The following SGO1 variants were observed in gnomAD, a reference collection of about 807,000 sequenced individuals.
SGO1 encodes the protein shugoshin 1, also known as serologically defined breast cancer antigen NY-BR-85.
SGO1 carries 39 observed loss-of-function variants against 50.5 expected under a neutral mutation model. That is an observed-to-expected ratio of 0.77 (90% CI 0.60 to 1.01). The LOEUF is 1.01. SGO1 is among the 50% of genes least tolerant of loss of function. The pLI is 0.00. For missense variants in SGO1, 638 were observed against 606.0 expected (o/e 1.05, Z -0.55); for synonymous variants, 191 against 205.1 (o/e 0.93, Z 0.59).
chr3:20,165,911 G>A (rs1433082022), downstream of SGO1, among the ~76,000 whole-genome samples: 7 of 152,098 alleles, frequency 4.6e-5, no homozygotes, highest in Non-Finnish European at 1.0e-4. Context: ...AAATAGCTGG[G>A]CATGGTGGGC....
chr3:20,172,731 C>G (rs766964155), intron 6 of SGO1, among the ~76,000 whole-genome samples: 1 of 146,404 alleles, frequency 6.8e-6, no homozygotes, highest in African/African-American at 2.6e-5. Flanking sequence ...AGGAGGACTG[C>G]TTTAGCCCAG....
chr3:20,167,032 T>C (rs2125240246), downstream of SGO1, among the ~76,000 whole-genome samples: 1 of 151,590 alleles, frequency 6.6e-6, no homozygotes. Context: ...AAAGATCAAA[T>C]GATAAATTCT....
Position 20,183,873 on chromosome 3 carries a change from A to G in SGO1, c.142+13T>C. 6.2e-7 allele frequency: 1 copy of G among 1,604,344 alleles called. No homozygotes were observed. The highest frequency in any genetic ancestry group is 8.5e-7 in the Non-Finnish European group (1 of 1,177,830). ...TAAAAGTGATATAAAAGGACAACAT[A>G]AAAATCTCTTACTGATTATTTGGCA... is the stretch of plus-strand genomic sequence containing the variant. On this transcript the variant is annotated intron_variant, in intron 2 of 7. Coordinates refer to ENST00000412997, the MANE Select transcript of SGO1 (RefSeq NM_001199251.3).
At chr3:20,173,087 C>G (rs1043325485) in intron 6 of SGO1, among the ~76,000 whole-genome samples, 1 of 151,834 alleles carries the variant, frequency 6.6e-6, no homozygotes, top group Non-Finnish European at 1.5e-5. Flanking sequence ...ATTATCAACA[C>G]TTTGACAATC....
chr3:20,164,135 A>T lies in SGO1; in HGVS notation c.1565-2909T>A, dbSNP rs1700178688. On this transcript the variant is annotated intron_variant, in intron 8 of 8. Transcript: ENST00000263753. ...GCTAGAAAAAATTTAAGAAACCACA[A>T]GAAAACTATAGACCAATAACTCTCA... Among the ~76,000 whole-genome samples, 3 of 152,174 alleles carry T rather than the reference A, an allele frequency of 2.0e-5. No individual in the cohort carries two copies. In the South Asian group the frequency reaches 6.2e-4, roughly 31 times the overall value.
In SGO1 at chr3:20,174,585, T is replaced by G. The variant is rs1364490932; in HGVS notation, c.946A>C (p.Asn316His). The G allele has an allele frequency of 5.0e-6, 8 of 1,603,084 alleles. No homozygotes were observed. The highest frequency in any genetic ancestry group is 6.8e-6 in the Non-Finnish European group (8 of 1,176,852). ...TTTTTTTGGGGAACAGTTTTTTTAT[T>G]TTCGCTTTTATTCTCTTTATATTTT... ...MSKYKENKSE[N>H]KKTVPQKKMH... Residue 316 changes from asparagine (N) to histidine (H), a missense_variant, in exon 6 of 8, where the codon AAT becomes CAT. Coordinates refer to ENST00000412997, the MANE Select transcript of SGO1 (RefSeq NM_001199251.3).
At position 20,176,591 on chromosome 3, in the gene SGO1, C is replaced by T. The variant is rs1288291307; in HGVS notation, c.475+10G>A. The T allele has an allele frequency of 6.5e-7, 1 of 1,532,362 alleles. No individual in the cohort carries two copies. The highest frequency in any genetic ancestry group is 8.8e-7 in the Non-Finnish European group (1 of 1,134,448). The allele number at this position is 1,532,362 out of a possible 1,614,324, so 94.9% of individuals were successfully genotyped here. On this transcript the variant is annotated intron_variant, in intron 5 of 7. Coordinates refer to ENST00000412997, the MANE Select transcript of SGO1 (RefSeq NM_001199251.3). ...CCTTAATAATATTTTTAGATTTTCA[C>T]TTGAATTACCTTCTATTTGAAATGA...
chr3:20,170,139 C>T lies in SGO1; in HGVS notation c.*565G>A, dbSNP rs1226293759. ...ACATTTTGGGCTGGGCACAGTGGCT[C>T]AGTAATCCCAGCACTTTGGGAGGCC... On this transcript the variant is annotated 3_prime_UTR_variant, in exon 8 of 8. Coordinates refer to ENST00000412997, the MANE Select transcript of SGO1 (RefSeq NM_001199251.3). 1.0e-6 allele frequency: 1 copy of T among 982,290 alleles called. No individual in the cohort carries two copies. The highest frequency in any genetic ancestry group is 1.2e-6 in the Non-Finnish European group (1 of 827,196). The allele number at this position is 982,290 out of a possible 1,614,324, so 60.8% of individuals were successfully genotyped here.
chr3:20,183,579 A>G (rs17006703), intron 3 of SGO1, 29 bp downstream of exon 3: 56,402 of 1,526,354 alleles, frequency 0.037, 1,920 homozygotes, highest in East Asian at 0.15. Context: ...TAACTAAACT[A>G]AGAAATTCGG....
chr3:20,176,391 C>G (rs2125321311), intron 5 of SGO1, among the ~76,000 whole-genome samples: 1 of 152,020 alleles, frequency 6.6e-6, no homozygotes, highest in African/African-American at 2.4e-5. Flanking sequence ...ATAGTTATAG[C>G]CAAAGATTCA....
Position 20,174,538 on chromosome 3 carries a change from G to A in SGO1, c.993C>T (p.Ser331=). The change falls in exon 6 of 8, where the codon TCC becomes TCT. Residue 331 remains serine, a synonymous_variant. Coordinates refer to ENST00000412997, the MANE Select transcript of SGO1 (RefSeq NM_001199251.3). ...PQKKMHKSVS[S]NDAYNFNLEE... ...CCAAATTAAAATTGTAAGCATCATT[G>A]GAACTGACAGATTTGTGCATTTTTT... 2 of 1,613,036 alleles carry A rather than the reference G, an allele frequency of 1.2e-6. No individual in the cohort carries two copies. Among genetic ancestry groups the A allele is most frequent in the Admixed American group, 3.3e-5 (2 of 59,892 alleles).
At chr3:20,167,736 A>G (rs1700376956), downstream of SGO1, among the ~76,000 whole-genome samples, 5 of 152,208 alleles carry the variant, frequency 3.3e-5, no homozygotes, top group Admixed American at 3.3e-4. Context: ...TCCTTATAAC[A>G]GAATTGGTGG....
Position 20,183,716 on chromosome 3 carries a change from T to C in SGO1, c.231A>G (p.Glu77=). Residue 77 remains glutamate (E), a synonymous_variant, in exon 3 of 8, where the codon GAA becomes GAG. Coordinates refer to ENST00000412997, the MANE Select transcript of SGO1 (RefSeq NM_001199251.3). The stretch of plus-strand genomic sequence containing the variant: ...TCAGCTGTAGGATGATATCTTGGGC[T>C]TCTTTCACTTTGGATTTTTCATTTT... ...ALENEKSKVK[E]AQDIILQLRK... The C allele has an allele frequency of 1.9e-6, 3 of 1,613,408 alleles. No homozygotes were observed. Among genetic ancestry groups the C allele is most frequent in the Non-Finnish European group, 2.5e-6 (3 of 1,179,826 alleles).
intron 3 of SGO1, among the ~76,000 whole-genome samples, chr3:20,179,311 G>A (rs1362057924): frequency 1.3e-5 from 2 of 152,104 alleles, no homozygotes; most frequent in Non-Finnish European, 2.9e-5. Flanking sequence ...GGTGGCTGTG[G>A]GTATATGTGT....
chr3:20,182,724 A>G (rs1437099955), intron 3 of SGO1, among the ~76,000 whole-genome samples: 1 of 152,160 alleles, frequency 6.6e-6, no homozygotes, highest in Non-Finnish European at 1.5e-5. Flanking sequence ...AGAGAATCAG[A>G]TTAAAAATTT....
chr3:20,170,726 T>C lies in SGO1; in HGVS notation c.1562A>G (p.Lys521Arg), dbSNP rs1350053293. 6.3e-7 allele frequency: 1 copy of C among 1,586,718 alleles called. No individual in the cohort carries two copies. Among genetic ancestry groups the C allele is most frequent in the Non-Finnish European group, 8.5e-7 (1 of 1,173,744 alleles). The change falls in exon 8 of 8, where the codon AAA becomes AGA. Residue 521 changes from lysine (K) to arginine (R), a missense_variant. Transcript: ENST00000412997. ...CCTTCATTGTATTTGTTTCATACTT[T>C]TTTTAGAACGTCTCAAATCCTTTTT... is the stretch of plus-strand genomic sequence containing the variant. ...KQKKDLRRSK[K>R]SMKQIQ
At chr3:20,180,063 G>A (rs1465744097) in intron 3 of SGO1, among the ~76,000 whole-genome samples, 2 of 152,128 alleles carry the variant, frequency 1.3e-5, no homozygotes, top group Admixed American at 6.5e-5. Context: ...TAGGGAGGCC[G>A]AGGCAGGGGT....
Position 20,183,956 on chromosome 3 carries a change from C to G in SGO1, c.72G>C (p.Glu24Asp), listed in dbSNP as rs1011733928. The G allele has an allele frequency of 1.2e-6, 2 of 1,612,720 alleles. No individual in the cohort carries two copies. The highest frequency in any genetic ancestry group is 1.7e-6 in the Non-Finnish European group (2 of 1,179,630). Reference sequence around the variant, plus strand: ...TCTCTGCCAAGTTTTTATTCCTTTTCTCTTTCATTCGCTTCTTTATGTCTT... The same window carrying G: ...TCTCTGCCAAGTTTTTATTCCTTTTGTCTTTCATTCGCTTCTTTATGTCTT... ...SLEDIKKRMK[E>D]KRNKNLAEIG... The change falls in exon 2 of 8, where the codon GAG becomes GAC. Residue 24 changes from glutamate (E) to aspartate (D), a missense_variant. Transcript: ENST00000412997.
intron 4 of SGO1, among the ~76,000 whole-genome samples, chr3:20,177,872 T>G (rs189906542): frequency 3.3e-5 from 5 of 149,952 alleles, no homozygotes; most frequent in African/African-American, 1.3e-4. Flanking sequence ...GTGTTAAATA[T>G]GATATTTTAT....
Sources: gnomAD v4.1 joint callset for allele counts (sites outside exome capture counted in the v4.1 genomes callset) on GRCh38, gnomAD v4.1.1 for gene constraint, MANE v1.5 for transcripts, NCBI Gene and HGNC (gene_info 2026-07-23, HGNC 2026-07-21) for gene names.